Variants in ABCA3 observed in about 807,000 individuals in gnomAD.
ABCA3 encodes the protein ATP binding cassette subfamily A member 3, also known as phospholipid-transporting ATPase ABCA3.
In ABCA3, 88 loss-of-function variants were observed where a neutral mutation model predicts 172.8. The observed-to-expected ratio is 0.51, with a 90% CI of 0.43 to 0.61. The LOEUF is 0.61. Ranked by LOEUF, ABCA3 falls within the 20% of genes least tolerant of loss-of-function variation. The pLI, the probability that ABCA3 is intolerant of heterozygous loss-of-function variation, is 0.00. For missense variants in ABCA3, 2,164 were observed against 2,301.0 expected (o/e 0.94, Z 1.22); for synonymous variants, 1,066 against 983.8 (o/e 1.08, Z -1.56).
intron 7 of ABCA3, among the ~76,000 whole-genome samples, chr16:2,322,759 C>T (rs2093728082): frequency 6.6e-6 from 1 of 151,952 alleles, no homozygotes; most frequent in Non-Finnish European, 1.5e-5. Context: ...GACTTCATGA[C>T]TAAAACACGA....
intron 11 of ABCA3, among the ~76,000 whole-genome samples, chr16:2,306,170 A>C (rs1596850501): frequency 1.3e-5 from 2 of 152,044 alleles, no homozygotes. Flanking sequence ...TAGGCAACAC[A>C]GACAAATTAG....
intron 10 of ABCA3, among the ~76,000 whole-genome samples, chr16:2,310,653 A>C (rs958490965): frequency 5.3e-5 from 8 of 151,248 alleles, no homozygotes; most frequent in African/African-American, 1.5e-4. Flanking sequence ...AGTAGCTCGG[A>C]CTACAGGTAT....
Position 2,297,823 on chromosome 16 carries a change from C to A in ABCA3, c.1995G>T (p.Leu665=), listed in dbSNP as rs2093682401. 1.2e-6 allele frequency: 2 copies of A among 1,613,734 alleles called. No homozygotes were observed. The highest frequency in any genetic ancestry group is 4.5e-5 in the East Asian group (2 of 44,860). ...AGAGCTTGCGCCTCATGCCCCCGCT[C>A]AGGAAGCGGCTCCGTGAGTTCCACT... The part of the protein sequence containing the change: ...EDKWNSRSRF[L]SGGMRRKLSI... Residue 665 remains leucine, a synonymous_variant, in exon 16 of 33, where the codon CTG becomes CTT. Coordinates refer to ENST00000301732, the MANE Select transcript of ABCA3 (RefSeq NM_001089.3). The surrounding 1 kb of genome is among the most constrained non-coding windows in gnomAD (Gnocchi z 5.6).
At position 2,278,863 on chromosome 16, in the gene ABCA3, A is replaced by T. The variant is rs1352189398; in HGVS notation, c.4547+80T>A. On this transcript the variant is annotated intron_variant, in intron 29 of 32. Coordinates refer to ENST00000301732, the MANE Select transcript of ABCA3 (RefSeq NM_001089.3). The surrounding 1 kb of genome is among the most constrained non-coding windows in gnomAD (Gnocchi z 4.4). ...AGCAGGAGCTCTGGCTGCTGACCTG[A>T]GCGGTCACTCCCAGCTCTATGCTAT... The T allele has an allele frequency of 3.2e-6, 5 of 1,587,094 alleles. No individual in the cohort carries two copies. The highest frequency in any genetic ancestry group is 4.3e-6 in the Non-Finnish European group (5 of 1,161,426).
rs754366568 is a variant in ABCA3, at chr16:2,317,329, G to A, written c.1065C>T (p.Ile355=). The A allele has an allele frequency of 3.7e-6, 6 of 1,614,142 alleles. No individual in the cohort carries two copies. Among genetic ancestry groups the A allele is most frequent in the Non-Finnish European group, 5.1e-6 (6 of 1,180,044 alleles). ...CCATGAAGCTGAAGGAGATGGTAGAGATGGCGAAGCACAGCAGGAAGGCGA... is the reference window on the plus strand; with the variant it reads ...CCATGAAGCTGAAGGAGATGGTAGAAATGGCGAAGCACAGCAGGAAGGCGA... ...LVLAFLLCFA[I]STISFSFMVS... is the part of the protein sequence containing the mutation. Residue 355 remains isoleucine (I), a synonymous_variant, in exon 10 of 33, where the codon ATC becomes ATT. Coordinates refer to ENST00000301732, the MANE Select transcript of ABCA3 (RefSeq NM_001089.3).
Position 2,281,025 on chromosome 16 carries a change from A to C in ABCA3, c.4359+2T>G. ...CTTCAGAGCCTCCCTGGCTGCACCCACCTTTCCGACATCAGAGCTGATTCT... is the reference window on the plus strand; with the variant it reads ...CTTCAGAGCCTCCCTGGCTGCACCCCCCTTTCCGACATCAGAGCTGATTCT... On this transcript the variant is annotated splice_donor_variant, in intron 28 of 32. Coordinates refer to ENST00000301732, the MANE Select transcript of ABCA3 (RefSeq NM_001089.3). LOFTEE classifies it high-confidence loss of function. The surrounding 1 kb of genome is among the most constrained non-coding windows in gnomAD (Gnocchi z 4.7). 1.9e-6 allele frequency: 3 copies of C among 1,613,390 alleles called. No individual in the cohort carries two copies. The highest frequency in any genetic ancestry group is 2.5e-6 in the Non-Finnish European group (3 of 1,179,910).
intron 11 of ABCA3, among the ~76,000 whole-genome samples, chr16:2,307,215 G>T (rs1312896513): frequency 2.0e-5 from 3 of 152,030 alleles, no homozygotes; most frequent in Admixed American, 1.3e-4. Flanking sequence ...GAGGCACTGG[G>T]AAGATGCTAA....
chr16:2,339,160 C>G (rs1213401176), intron 1 of ABCA3: 1 of 152,268 alleles, frequency 6.6e-6, no homozygotes, highest in Non-Finnish European at 1.5e-5. Flanking sequence ...GGAAGCAGGG[C>G]TGGGGAAGAA....
At chr16:2,340,311 G>C (rs973308585) in intron 1 of ABCA3, among the ~76,000 whole-genome samples, 5 of 152,038 alleles carry the variant, frequency 3.3e-5, no homozygotes, top group African/African-American at 1.2e-4. Flanking sequence ...CGCAGTGCGG[G>C]ACACGCCCAA....
Position 2,308,478 on chromosome 16 carries a change from G to A in ABCA3, c.1257C>T (p.Ala419=), listed in dbSNP as rs767207734. ...LLSNVAMAMG[A]QLIGKFEAKG... is the part of the protein sequence containing the mutation. ...TCGCCTCAAATTTCCCAATGAGCTG[G>A]GCTCCCATTGCCATGGCGACATTAG... The change falls in exon 11 of 33, where the codon GCC becomes GCT. Residue 419 remains alanine (A), a synonymous_variant. Coordinates refer to ENST00000301732, the MANE Select transcript of ABCA3 (RefSeq NM_001089.3). 1.2e-6 allele frequency: 2 copies of A among 1,614,202 alleles called. No homozygotes were observed. Among genetic ancestry groups the A allele is most frequent in the Non-Finnish European group, 1.7e-6 (2 of 1,180,030 alleles).
Position 2,288,269 on chromosome 16 carries a change from G to C in ABCA3, c.2761C>G (p.Arg921Gly). 1 of 1,586,992 alleles carries C rather than the reference G, an allele frequency of 6.3e-7. No individual in the cohort carries two copies. Among genetic ancestry groups the C allele is most frequent in the Non-Finnish European group, 8.6e-7 (1 of 1,167,264 alleles). ...MFLKKAAYSW[R>G]EWKMVAAQVL... ...TGTGCCGCCACCATTTTCCACTCGC[G>C]CCAGCTGTATGCGGCCTTCTTCAGG... Residue 921 changes from arginine to glycine, a missense_variant, in exon 21 of 33, where the codon CGC becomes GGC. By Grantham distance (125) the Arg-to-Gly change is moderately radical. Transcript: ENST00000301732.
At chr16:2,302,213 C>T (rs2093690605) in intron 12 of ABCA3, among the ~76,000 whole-genome samples, 1 of 152,208 alleles carries the variant, frequency 6.6e-6, no homozygotes, top group Non-Finnish European at 1.5e-5. Context: ...CCTGATTTCC[C>T]ACTTCGCACC....
intron 11 of ABCA3, among the ~76,000 whole-genome samples, chr16:2,306,819 T>C (rs541254287): frequency 1.3e-5 from 2 of 151,768 alleles, no homozygotes; most frequent in African/African-American, 4.8e-5. Flanking sequence ...ATCGAGACCA[T>C]CCTGGCTAAC....
chr16:2,297,435 G>T lies in ABCA3; in HGVS notation c.2157C>A (p.Thr719=). The change falls in exon 17 of 33, where the codon ACC becomes ACA. Residue 719 remains threonine (T), a synonymous_variant. Coordinates refer to ENST00000301732, the MANE Select transcript of ABCA3 (RefSeq NM_001089.3). This position sits in a 1 kb window ranked among gnomAD's most constrained non-coding sequence, Gnocchi z 5.6. ...GGTCAGCCTCGTCCATGAAGTGGGT[G>T]GTCAGCACGATGGTGCGGTCACTTT... ...RQKSDRTIVL[T]THFMDEADLL... The T allele has an allele frequency of 6.2e-7, 1 of 1,613,800 alleles. No homozygotes were observed. The highest frequency in any genetic ancestry group is 8.5e-7 in the Non-Finnish European group (1 of 1,180,010).
intron 13 of ABCA3, 84 bp from the exon 14 acceptor site, chr16:2,299,616 G>T: frequency 6.3e-7 from 1 of 1,591,978 alleles, no homozygotes; most frequent in Non-Finnish European, 8.5e-7. Context: ...CTGCCCGACC[G>T]TCTCAGAAGG....
At chr16:2,298,876 T>A (rs1304436208) in intron 14 of ABCA3, among the ~76,000 whole-genome samples, 1 of 152,096 alleles carries the variant, frequency 6.6e-6, no homozygotes, top group African/African-American at 2.4e-5. Context: ...CAGAGTGAAA[T>A]GCCAGTGGCC....
intron 12 of ABCA3, among the ~76,000 whole-genome samples, 194 bp downstream of exon 12, chr16:2,303,775 G>C (rs1398251937): frequency 1.3e-5 from 2 of 152,134 alleles, no homozygotes; most frequent in Non-Finnish European, 2.9e-5. Flanking sequence ...TGGGCATGGA[G>C]GGTCTTTCTC....
At chr16:2,290,377 C>T (rs2093670203) in intron 19 of ABCA3, among the ~76,000 whole-genome samples, 1 of 152,160 alleles carries the variant, frequency 6.6e-6, no homozygotes, top group Non-Finnish European at 1.5e-5. Flanking sequence ...CCAGGAAAAG[C>T]TTCTGATTAT....
intron 9 of ABCA3, 111 bp from the exon 10 acceptor site, chr16:2,317,514 T>C (rs2093718071): frequency 8.2e-6 from 13 of 1,587,998 alleles, no homozygotes; most frequent in South Asian, 6.7e-5. Context: ...GAGTGGGACA[T>C]TGACAGCTCC....
Sources: allele counts gnomAD v4.1 joint callset (sites outside exome capture counted in the v4.1 genomes callset), GRCh38; gene constraint gnomAD v4.1.1; non-coding constraint Gnocchi (gnomAD v3.1); transcripts MANE v1.5; gene names NCBI Gene and HGNC (gene_info 2026-07-23, HGNC 2026-07-21).